The following PGM1 variants were observed in gnomAD, a reference collection of about 807,000 sequenced individuals.
PGM1 encodes phosphoglucomutase-1.
In PGM1, 52 loss-of-function variants were observed where a neutral mutation model predicts 55.6. The ratio of observed to expected loss-of-function variants is 0.94; its 90% CI spans 0.75 to 1.18. The LOEUF is 1.18. Among genes scored for constraint, PGM1 ranks in the 50% most tolerant of loss-of-function variants. The pLI, the probability that PGM1 is intolerant of heterozygous loss-of-function variation, is 0.00. For synonymous variants in PGM1, 287 were observed against 271.7 expected, an observed-to-expected ratio of 1.06 and a Z score of -0.55; for missense variants, 724 against 729.3, an observed-to-expected ratio of 0.99 and a Z score of 0.08.
chr1:63,643,481 G>T (rs1649569691), intron 7 of PGM1, among the ~76,000 whole-genome samples: 1 of 152,218 alleles, frequency 6.6e-6, no homozygotes, highest in South Asian at 2.1e-4. Context: ...CAGTAATGAG[G>T]CAGGTCAGGC....
At chr1:63,616,896 C>G (rs115812142) in intron 1 of PGM1, among the ~76,000 whole-genome samples, 1 of 152,164 alleles carries the variant, frequency 6.6e-6, no homozygotes, top group Non-Finnish European at 1.5e-5. Flanking sequence ...GCCAATGGCC[C>G]GTCCCAATTG....
chr1:63,638,324 C>T (rs1649415815), intron 6 of PGM1, among the ~76,000 whole-genome samples: 1 of 152,152 alleles, frequency 6.6e-6, no homozygotes, highest in Non-Finnish European at 1.5e-5. Context: ...ATTACAGGTG[C>T]ATCAAAACAT....
chr1:63,651,865 C>T lies in PGM1; in HGVS notation c.1464+13C>T, dbSNP rs748889158. On this transcript the variant is annotated intron_variant, in intron 9 of 10. Coordinates refer to ENST00000371084, the MANE Select transcript of PGM1 (RefSeq NM_002633.3). ...TTCAAGAAATCAGGTAGAAACAGACCGGTGTGTAAGTGAGAGAGAGACCTC... is the reference window on the plus strand; with the variant it reads ...TTCAAGAAATCAGGTAGAAACAGACTGGTGTGTAAGTGAGAGAGAGACCTC... The T allele has an allele frequency of 1.9e-6, 3 of 1,610,854 alleles. No homozygotes were observed. The highest frequency in any genetic ancestry group is 2.2e-5 in the South Asian group (2 of 90,978).
At chr1:63,644,818 C>T (rs775261031) in intron 7 of PGM1, among the ~76,000 whole-genome samples, 13 of 152,196 alleles carry the variant, frequency 8.5e-5, no homozygotes, top group South Asian at 6.2e-4. Flanking sequence ...TCAGGTTTAT[C>T]TGATTCTTAA....
At chr1:63,617,218 C>T (rs1215588896) in intron 1 of PGM1, among the ~76,000 whole-genome samples, 2 of 152,208 alleles carry the variant, frequency 1.3e-5, no homozygotes, top group African/African-American at 2.4e-5. Flanking sequence ...TTCTCTCTTC[C>T]TTTTCTTGCC....
At chr1:63,654,210 A>C in intron 9 of PGM1, 122 bp from the exon 10 acceptor site, 2 of 995,844 alleles carry the variant, frequency 2.0e-6, no homozygotes, top group East Asian at 4.9e-5. Context: ...CCATTTATCA[A>C]GGATTTAACC....
chr1:63,624,651 C>T (rs1384845017), intron 1 of PGM1, among the ~76,000 whole-genome samples: 3 of 152,110 alleles, frequency 2.0e-5, no homozygotes, highest in Non-Finnish European at 4.4e-5. Context: ...TCCTTCAGTA[C>T]CTGCAAATTT....
rs1437580886 is a variant in PGM1, at chr1:63,631,706, C to G, written c.606C>G (p.Ile202Met). 1.2e-6 allele frequency: 2 copies of G among 1,612,642 alleles called. No individual in the cohort carries two copies. The highest frequency in any genetic ancestry group is 3.3e-5 in the Admixed American group (2 of 60,014). The change falls in exon 4 of 11, where the codon ATC becomes ATG. Residue 202 changes from isoleucine to methionine, a missense_variant. This residue lies in a region of PGM1 where 379 missense variants were observed against 357.5 expected (regional missense o/e 1.06). Transcript: ENST00000371084. ...VEAYATMLRSIFDFSALKELL... is the reference protein window; with the variant it reads ...VEAYATMLRSMFDFSALKELL... ...CTTATGCTACAATGCTGAGAAGCAT[C>G]TTTGATTTCAGTGCACTGAAAGAAC... is the stretch of plus-strand genomic sequence containing the variant.
intron 1 of PGM1, among the ~76,000 whole-genome samples, chr1:63,617,601 G>C: frequency 6.6e-6 from 1 of 151,880 alleles, no homozygotes; most frequent in Non-Finnish European, 1.5e-5. Flanking sequence ...CAGCTCAGGT[G>C]GGATTGAGGC....
At chr1:63,609,061 G>A (rs893026754) in intron 1 of PGM1, among the ~76,000 whole-genome samples, 2 of 152,186 alleles carry the variant, frequency 1.3e-5, no homozygotes, top group African/African-American at 2.4e-5. Context: ...CCTAGGGAGG[G>A]TCTTTGTGCC....
chr1:63,619,397 G>A (rs1013081112), intron 1 of PGM1, among the ~76,000 whole-genome samples: 3 of 152,212 alleles, frequency 2.0e-5, no homozygotes, highest in African/African-American at 4.8e-5. Flanking sequence ...CTCAAACTGG[G>A]CCAAGAACTC....
intron 1 of PGM1, among the ~76,000 whole-genome samples, chr1:63,595,796 T>TGG (rs769731628): frequency 2.0e-5 from 3 of 152,268 alleles, no homozygotes; most frequent in Admixed American, 6.5e-5. Context: ...AGATGGAAAT[T>TGG]TGTCCATTTG....
Position 63,614,331 on chromosome 1 carries a change from A to G in PGM1, c.247-15094A>G, listed in dbSNP as rs549200160. ...CCCTTTTTAATAGTTATGTAGCGCTACAGTCTAGGGGTTCCTAAACTTTTT... is the reference window on the plus strand; with the variant it reads ...CCCTTTTTAATAGTTATGTAGCGCTGCAGTCTAGGGGTTCCTAAACTTTTT... On this transcript the variant is annotated intron_variant, in intron 1 of 10. Transcript: ENST00000371084. 2.0e-5 allele frequency among the ~76,000 whole-genome samples: 3 copies of G among 152,296 alleles called. No homozygotes were observed. In the East Asian group the frequency reaches 5.8e-4, roughly 29 times the overall value.
At chr1:63,651,438 C>G (rs1042890455) in intron 8 of PGM1, 33 of 526,892 alleles carry the variant, frequency 6.3e-5, no homozygotes, top group African/African-American at 5.9e-4. Flanking sequence ...TGGGTGTTTT[C>G]TGCTTATTCA....
chr1:63,623,367 G>T, intron 1 of PGM1: 1 of 1,528,410 alleles, frequency 6.5e-7, no homozygotes. Context: ...TTACTCATAC[G>T]ACACTGTTGC....
chr1:63,607,660 T>A (rs544792941), intron 1 of PGM1, among the ~76,000 whole-genome samples: 1 of 152,182 alleles, frequency 6.6e-6, no homozygotes, highest in African/African-American at 2.4e-5. Context: ...GGGTAAGCAA[T>A]CAGATTTCTT....
intron 10 of PGM1, among the ~76,000 whole-genome samples, chr1:63,656,629 C>T (rs139680736): frequency 3.5e-4 from 53 of 150,896 alleles, no homozygotes; most frequent in African/African-American, 1.2e-3. Context: ...GAAAATTATT[C>T]TGCCTTAAAA....
At chr1:63,655,185 G>A (rs1309332384) in intron 10 of PGM1, among the ~76,000 whole-genome samples, 1 of 147,358 alleles carries the variant, frequency 6.8e-6, no homozygotes, top group Non-Finnish European at 1.5e-5. Context: ...TTAGTACATT[G>A]CCTAGGCTGG....
chr1:63,637,930 A>T (rs1049655338), intron 6 of PGM1, among the ~76,000 whole-genome samples: 1 of 152,248 alleles, frequency 6.6e-6, no homozygotes, highest in Non-Finnish European at 1.5e-5. Context: ...AATAAGGCAA[A>T]CATTCTGGGA....
Sources: allele counts gnomAD v4.1 joint callset (sites outside exome capture counted in the v4.1 genomes callset), GRCh38; gene constraint gnomAD v4.1.1; regional missense constraint gnomAD v4.1.1; transcripts MANE v1.5; gene names NCBI Gene and HGNC (gene_info 2026-07-23, HGNC 2026-07-21).